INTS6: variants seen among roughly 807,000 people sequenced by gnomAD.
The protein encoded by INTS6 is integrator complex subunit 6, also known as DEAD box protein.
INTS6 carries 16 observed loss-of-function variants against 104.9 expected under a neutral mutation model. The ratio of observed to expected loss-of-function variants is 0.15; its 90% confidence interval spans 0.10 to 0.23. INTS6 has a LOEUF of 0.23. Among genes scored for constraint, INTS6 ranks in the 10% least tolerant of loss-of-function variants. The pLI, the probability that INTS6 is intolerant of heterozygous loss-of-function variation, is 1.00. For missense variants in INTS6, 584 were observed against 1,062.8 expected (o/e 0.55, Z 6.26); for synonymous variants, 324 against 358.7 (o/e 0.90, Z 1.09).
chr13:51,401,969 A>G (rs770863056), intron 4 of INTS6, among the ~76,000 whole-genome samples: 2 of 152,224 alleles, frequency 1.3e-5, no homozygotes, highest in African/African-American at 4.8e-5. Flanking sequence ...AAAAAAATTT[A>G]AATTAATTTC....
intron 3 of INTS6, chr13:51,438,757 T>C (rs1300472330): frequency 6.6e-6 from 1 of 152,236 alleles, no homozygotes; most frequent in Admixed American, 6.5e-5. Flanking sequence ...TTTCATTACC[T>C]GCCAAAGTAT....
In INTS6 at chr13:51,362,137, AT is replaced by A. The variant is rs372324956; in HGVS notation, c.*3614del. The A allele has an allele frequency of 0.023, 22,539 of 986,480 alleles. 26 individuals are homozygous for A. The highest frequency in any genetic ancestry group is 0.041 in the African/African-American group (2,304 of 56,742). 61.1% of individuals were successfully genotyped at this position (986,480 alleles called of 1,614,324 possible). A position where few individuals can be genotyped will look rare whatever the true frequency, so the allele number is the denominator to read the frequency against. ...CTCAGCTCATATATAGTTAATGTAG[AT>A]TTTTTTTTTTAATGCTATAGGTTTC... On this transcript the variant is annotated 3_prime_UTR_variant, in exon 18 of 18. Coordinates refer to ENST00000311234, the MANE Select transcript of INTS6 (RefSeq NM_012141.3).
chr13:51,387,363 T>C (rs771077723), intron 7 of INTS6, 23 bp downstream of exon 7: 3 of 1,586,890 alleles, frequency 1.9e-6, no homozygotes, highest in East Asian at 2.3e-5. Context: ...TACTATTACA[T>C]AGTTACAGTC....
rs377486291 is a variant in INTS6 at position 51,399,480 on chromosome 13, T to C, written c.430-3997A>G. 5.3e-5 allele frequency among the ~76,000 whole-genome samples: 8 copies of C among 152,352 alleles called. No individual in the cohort carries two copies. In the East Asian group the frequency reaches 1.2e-3, roughly 22 times the overall value. ...GTTATGAATAGTGTAACTATGAAAT[T>C]ACAGTACATGTATTTGTGGAAAATA... On this transcript the variant is annotated intron_variant, in intron 4 of 17. Transcript: ENST00000311234.
chr13:51,409,294 A>G (rs1016708094), intron 4 of INTS6, among the ~76,000 whole-genome samples: 2 of 147,828 alleles, frequency 1.4e-5, no homozygotes, highest in African/African-American at 4.9e-5. Flanking sequence ...TAATAATAAT[A>G]ATAATAATAA....
chr13:51,403,894 G>C (rs1405786825), intron 4 of INTS6, among the ~76,000 whole-genome samples: 5 of 152,004 alleles, frequency 3.3e-5, no homozygotes, highest in Admixed American at 3.3e-4. Context: ...GTTATAATCA[G>C]ATCACAAGCA....
Position 51,378,377 on chromosome 13 carries a change from G to C in INTS6, c.1464C>G (p.Ser488Arg). The part of the protein sequence containing the change: ...VVQETGIKVR[S>R]RSHGLSMAYR... ...ATGCCATTGATAAACCATGTGATCG[G>C]CTCCGGACTTTTATTCCAGTCTCCT... Residue 488 changes from serine (S) to arginine (R), a missense_variant, in exon 12 of 18, where the codon AGC becomes AGG. By Grantham distance (110) the Ser-to-Arg change is moderately radical (BLOSUM62 -1). Transcript: ENST00000311234. The C allele has an allele frequency of 6.2e-7, 1 of 1,613,316 alleles. No homozygotes were observed. The highest frequency in any genetic ancestry group is 8.5e-7 in the Non-Finnish European group (1 of 1,179,450).
At chr13:51,375,900 G>A in intron 13 of INTS6, 148 bp downstream of exon 13, 1 of 630,256 alleles carries the variant, frequency 1.6e-6, no homozygotes, top group Non-Finnish European at 2.5e-6. Flanking sequence ...AATCAGGGAT[G>A]ATTCACCTTT....
At chr13:51,349,266 T>G (rs1249998325), downstream of INTS6, among the ~76,000 whole-genome samples, 1 of 152,052 alleles carries the variant, frequency 6.6e-6, no homozygotes, top group Non-Finnish European at 1.5e-5. Flanking sequence ...GAGTTAAAAG[T>G]AAATCTATGC....
downstream of INTS6, among the ~76,000 whole-genome samples, chr13:51,352,536 G>T (rs193236210): frequency 3.3e-5 from 5 of 151,896 alleles, no homozygotes; most frequent in East Asian, 9.7e-4. Context: ...TCTGTGAATA[G>T]AGATAGATTT....
chr13:51,339,357 C>G, the INTS6 span: 1 of 152,244 alleles, frequency 6.6e-6, no homozygotes, highest in African/African-American at 2.4e-5. Context: ...AAAAGCCCAA[C>G]AAGCAAAGTT....
At chr13:51,348,002 G>A in the INTS6 span, among the ~76,000 whole-genome samples, 1 of 152,032 alleles carries the variant, frequency 6.6e-6, no homozygotes, top group African/African-American at 2.4e-5. Context: ...CTCTGGTCCT[G>A]TGAGGGTATC....
chr13:51,340,904 G>A, the INTS6 span: 1 of 621,824 alleles, frequency 1.6e-6, no homozygotes. Context: ...CAGCTCTGCA[G>A]CCCAGACGGC....
At chr13:51,432,997 C>T (rs111408265) in intron 3 of INTS6, among the ~76,000 whole-genome samples, 1,735 of 152,300 alleles carry the variant, frequency 0.011, 27 homozygotes, top group East Asian at 0.071. Flanking sequence ...CTAATAGCTT[C>T]GAAACTATAT....
Position 51,378,329 on chromosome 13 carries a change from G to T in INTS6, c.1512C>A (p.Leu504=), listed in dbSNP as rs1305751415. The T allele has an allele frequency of 1.2e-6, 2 of 1,613,330 alleles. No homozygotes were observed. Among genetic ancestry groups the T allele is most frequent in the African/African-American group, 2.7e-5 (2 of 74,886 alleles). The change falls in exon 12 of 18, where the codon CTC becomes CTA. Residue 504 remains leucine, a synonymous_variant. Transcript: ENST00000311234. ...GGACATCCTCTGAAATTCCCTGGAG[G>T]AGTTGTTGAAAATCTTTCCTATATG... ...SMAYRKDFQQ[L]LQGISEDVPH...
Position 51,382,001 on chromosome 13 carries a change from A to G in INTS6, c.1275+28T>C, listed in dbSNP as rs1430397308. 7 of 1,525,786 alleles carry G rather than the reference A, an allele frequency of 4.6e-6. No homozygotes were observed. In the African/African-American group the frequency reaches 9.6e-5, roughly 21 times the overall value. 94.5% of individuals were successfully genotyped at this position (1,525,786 alleles called of 1,614,324 possible). On this transcript the variant is annotated intron_variant, in intron 10 of 17. Coordinates refer to ENST00000311234, the MANE Select transcript of INTS6 (RefSeq NM_012141.3). ...CAGGCGTGAGTCACTGCGCCCGGCCAACAAGTTCTTTTAAATAATATTCTT... is the reference window on the plus strand; with the variant it reads ...CAGGCGTGAGTCACTGCGCCCGGCCGACAAGTTCTTTTAAATAATATTCTT...
chr13:51,364,279 C>T lies in INTS6; in HGVS notation c.*1473G>A. ...TTGGGAGAGTTTCAAATCCCCTAGA[C>T]TAAATGCATGTTCTCCACTTTCATC... On this transcript the variant is annotated 3_prime_UTR_variant, in exon 18 of 18. Transcript: ENST00000311234. 6.8e-7 allele frequency: 1 copy of T among 1,469,374 alleles called. No individual in the cohort carries two copies. The highest frequency in any genetic ancestry group is 9.1e-7 in the Non-Finnish European group (1 of 1,094,066). The allele number at this position is 1,469,374 out of a possible 1,614,324, so 91.0% of individuals were successfully genotyped here.
At position 51,452,520 on chromosome 13, in the gene INTS6, G is replaced by C; in HGVS notation, c.6C>G (p.Pro2=). M[P]ILLFLIDTSA... is the part of the protein sequence containing the mutation. ...ACGTGTCTATCAGGAACAGTAAGAT[G>C]GGCATAGTGCTGGCCGGGGACACCG... is the stretch of plus-strand genomic sequence containing the variant. The change falls in exon 1 of 18, where the codon CCC becomes CCG. Residue 2 remains proline, a synonymous_variant. Transcript: ENST00000311234. The surrounding 1 kb of genome is among the most constrained non-coding windows in gnomAD (Gnocchi z 4.2). 1 of 1,611,004 alleles carries C rather than the reference G, an allele frequency of 6.2e-7. No individual in the cohort carries two copies. The highest frequency in any genetic ancestry group is 8.5e-7 in the Non-Finnish European group (1 of 1,178,058).
chr13:51,452,487 A>T lies in INTS6; in HGVS notation c.39T>A (p.Ser13=), dbSNP rs766296661. The change falls in exon 1 of 18, where the codon TCT becomes TCA. Residue 13 remains serine (S), a synonymous_variant. Coordinates refer to ENST00000311234, the MANE Select transcript of INTS6 (RefSeq NM_012141.3). The surrounding 1 kb of genome is among the most constrained non-coding windows in gnomAD (Gnocchi z 4.2). The stretch of plus-strand genomic sequence containing the variant: ...TGCCCAGATGGCTGCGCTGGTTCAT[A>T]GAGGCAGACGTGTCTATCAGGAACA... ...ILLFLIDTSA[S]MNQRSHLGTT... The T allele has an allele frequency of 1.4e-5, 23 of 1,611,278 alleles. No individual in the cohort carries two copies. In the Admixed American group the frequency reaches 2.0e-4, roughly 14 times the overall value.
Sources: gnomAD v4.1 joint callset for allele counts (sites outside exome capture counted in the v4.1 genomes callset) on GRCh38, gnomAD v4.1.1 for gene constraint, Gnocchi (gnomAD v3.1) non-coding constraint, MANE v1.5 for transcripts, NCBI Gene and HGNC (gene_info 2026-07-23, HGNC 2026-07-21) for gene names.